POGK: variants seen among roughly 807,000 people sequenced by gnomAD.
POGK encodes the protein pogo transposable element with KRAB domain.
A neutral mutation model predicts 54.4 loss-of-function variants in POGK; 16 were observed. The ratio of observed to expected loss-of-function variants is 0.29; its 90% CI spans 0.20 to 0.45. The LOEUF is 0.45. POGK is among the 20% of genes least tolerant of loss of function. The probability of loss-of-function intolerance (pLI) is 1.00; values close to 1 mark genes in which losing one functional copy is unlikely to be tolerated. For synonymous variants in POGK, 271 were observed against 302.2 expected (o/e 0.90, Z 1.07); for missense variants, 515 against 795.6 (o/e 0.65, Z 4.24).
intron 1 of POGK, among the ~76,000 whole-genome samples, 166 bp from the exon 2 acceptor site, chr1:166,840,789 C>T (rs1350093420): frequency 6.6e-6 from 1 of 152,216 alleles, no homozygotes; most frequent in African/African-American, 2.4e-5. Context: ...CATAATTAAA[C>T]ATGTCACCCT....
At chr1:166,844,060 G>C (rs191932645) in intron 2 of POGK, among the ~76,000 whole-genome samples, 2 of 152,228 alleles carry the variant, frequency 1.3e-5, no homozygotes, top group South Asian at 4.1e-4. Flanking sequence ...TCTCACAGAG[G>C]CTTGCTGTGA....
chr1:166,845,696 C>T (rs1165566187), intron 2 of POGK, among the ~76,000 whole-genome samples: 1 of 152,212 alleles, frequency 6.6e-6, no homozygotes, highest in Non-Finnish European at 1.5e-5. Context: ...TGAAACAAGC[C>T]ATCCAGTGCC....
In POGK at chr1:166,839,489, C is replaced by T. The variant is rs1657375774; in HGVS notation, c.-118C>T. 6.6e-6 allele frequency: 1 copy of T among 151,934 alleles called. No individual in the cohort carries two copies. The highest frequency in any genetic ancestry group is 2.4e-5 in the African/African-American group (1 of 41,382). The allele number at this position is 151,934 out of a possible 1,614,324, so 9.4% of individuals were successfully genotyped here. A position where few individuals can be genotyped will look rare whatever the true frequency, so the allele number is the denominator to read the frequency against. ...CTCCTCCCACCACGTGTCCTCCCCGCTCCCTCCCGAGGGGCCGCGCGCACG... is the reference window on the plus strand; with the variant it reads ...CTCCTCCCACCACGTGTCCTCCCCGTTCCCTCCCGAGGGGCCGCGCGCACG... On this transcript the variant is annotated 5_prime_UTR_variant, in exon 1 of 6. Coordinates refer to ENST00000367876, the MANE Select transcript of POGK (RefSeq NM_017542.5).
chr1:166,850,630 G>A (rs535031851), intron 5 of POGK: 124 of 520,820 alleles, frequency 2.4e-4, no homozygotes, highest in African/African-American at 2.1e-3. Context: ...GTGAGCGGCA[G>A]GTGAGCAAGC....
chr1:166,841,215 T>C, intron 2 of POGK, 127 bp downstream of exon 2: 1 of 1,277,668 alleles, frequency 7.8e-7, no homozygotes, highest in South Asian at 1.5e-5. Flanking sequence ...TTTGCATTCC[T>C]GAGAAAACAG....
rs1419389153 is a variant in POGK at position 166,841,096 on chromosome 1, A to G, written c.132+8A>G. 4 of 1,613,176 alleles carry G rather than the reference A, an allele frequency of 2.5e-6. No homozygotes were observed. The highest frequency in any genetic ancestry group is 2.2e-5 in the East Asian group (1 of 44,896). On this transcript the variant is annotated splice_region_variant and intron_variant, in intron 2 of 5. Transcript: ENST00000367876. Reference sequence around the variant, plus strand: ...TGCTCTGAGGGCGGATGGGTAAGTAAGAAGGTGTGGAGTCCACACAGCCAG... The same window carrying G: ...TGCTCTGAGGGCGGATGGGTAAGTAGGAAGGTGTGGAGTCCACACAGCCAG...
intron 2 of POGK, among the ~76,000 whole-genome samples, chr1:166,842,003 T>TAA (rs1348133144): frequency 7.0e-6 from 1 of 143,142 alleles, no homozygotes. Context: ...TACCTTAATT[T>TAA]AAAAAAAAAA....
At chr1:166,852,480 G>A (rs930676246) in intron 5 of POGK, 105 bp from the exon 6 acceptor site, 4 of 152,172 alleles carry the variant, frequency 2.6e-5, no homozygotes, top group East Asian at 1.9e-4. Context: ...ATAAAACTAC[G>A]TCTTGGCCTC....
intron 2 of POGK, among the ~76,000 whole-genome samples, chr1:166,842,779 A>G (rs968086495): frequency 2.6e-5 from 4 of 152,072 alleles, no homozygotes; most frequent in African/African-American, 9.7e-5. Flanking sequence ...TCCTCCTGGC[A>G]TCTAGTGGAT....
At chr1:166,840,458 A>G (rs1239832620) in intron 1 of POGK, 1 of 153,006 alleles carries the variant, frequency 6.5e-6, no homozygotes, top group African/African-American at 2.4e-5. Context: ...CAATGGGCCT[A>G]CTGAGCCAAC....
In POGK at chr1:166,853,547, C is replaced by T. The variant is rs1195162035; in HGVS notation, c.*977C>T. 2 of 152,652 alleles carry T rather than the reference C, an allele frequency of 1.3e-5. No individual in the cohort carries two copies. The highest frequency in any genetic ancestry group is 2.9e-5 in the Non-Finnish European group (2 of 68,032). The allele number at this position is 152,652 out of a possible 1,614,324, so 9.5% of individuals were successfully genotyped here. ...GTTTTAAGACTTCTGATCTCCTGCC[C>T]TGCAGGAATAGGTGGGAAGTCATTG... On this transcript the variant is annotated 3_prime_UTR_variant, in exon 6 of 6. Transcript: ENST00000367876.
intron 2 of POGK, among the ~76,000 whole-genome samples, chr1:166,845,985 G>A (rs892873985): frequency 5.3e-5 from 8 of 152,092 alleles, no homozygotes; most frequent in Admixed American, 6.5e-5. Flanking sequence ...TCCTCTTCAT[G>A]CTCTTGTGGA....
At position 166,849,222 on chromosome 1, in the gene POGK, A is replaced by G. The variant is rs1343390429; in HGVS notation, c.643A>G (p.Thr215Ala). 3 of 1,614,108 alleles carry G rather than the reference A, an allele frequency of 1.9e-6. No individual in the cohort carries two copies. Among genetic ancestry groups the G allele is most frequent in the African/African-American group, 2.7e-5 (2 of 74,942 alleles). ...KLMVVEYAES[T>A]NNCQAAKQFG... ...GATGGTAGTGGAATATGCTGAGAGT[A>G]CCAACAACTGCCAGGCTGCCAAGCA... The change falls in exon 5 of 6, where the codon ACC (threonine) becomes GCC (alanine). Residue 215 changes from threonine (T) to alanine (A), a missense_variant. Transcript: ENST00000367876.
Position 166,847,732 on chromosome 1 carries a change from TA to T in POGK, c.358+143del, listed in dbSNP as rs1162831816. ...TTTGAAATCTCCCTCTTTGCAGTGCTAAATGTGTGACAGTGTGTGACAGGCA... is the reference window on the plus strand; with the variant it reads ...TTTGAAATCTCCCTCTTTGCAGTGCTAATGTGTGACAGTGTGTGACAGGCA... On this transcript the variant is annotated intron_variant, in intron 4 of 5. Transcript: ENST00000367876. 3 of 634,132 alleles carry T rather than the reference TA, an allele frequency of 4.7e-6. No homozygotes were observed. The African/African-American group carries it at 5.5e-5, about 12-fold the overall frequency. 39.3% of individuals were successfully genotyped at this position (634,132 alleles called of 1,614,324 possible).
intron 4 of POGK, among the ~76,000 whole-genome samples, chr1:166,848,530 A>G (rs1657929342): frequency 6.6e-6 from 1 of 152,244 alleles, no homozygotes; most frequent in Non-Finnish European, 1.5e-5. Flanking sequence ...GTAATATTAT[A>G]TGGTAGTATG....
At chr1:166,852,490 C>G (rs1049037873) in intron 5 of POGK, 95 bp from the exon 6 acceptor site, 1 of 152,178 alleles carries the variant, frequency 6.6e-6, no homozygotes, top group Non-Finnish European at 1.5e-5. Flanking sequence ...GTCTTGGCCT[C>G]TATTTGGAAA....
At chr1:166,846,215 G>A (rs1412128610) in intron 2 of POGK, among the ~76,000 whole-genome samples, 1 of 152,208 alleles carries the variant, frequency 6.6e-6, no homozygotes, top group Non-Finnish European at 1.5e-5. Flanking sequence ...GGGGGTGCTT[G>A]TGTTGGTGGG....
rs1351747224 is a variant in POGK, at chr1:166,855,946, T to C, written c.*3376T>C. 2 of 152,224 alleles carry C rather than the reference T, an allele frequency of 1.3e-5. No homozygotes were observed. The highest frequency in any genetic ancestry group is 4.8e-5 in the African/African-American group (2 of 41,446). 9.4% of individuals were successfully genotyped at this position (152,224 alleles called of 1,614,324 possible). Reference sequence around the variant, plus strand: ...CCAAGCCCTAAAAATTCTTACGTAGTTTCTCACCTAAAACTAATGGCTTGT... The same window carrying C: ...CCAAGCCCTAAAAATTCTTACGTAGCTTCTCACCTAAAACTAATGGCTTGT... On this transcript the variant is annotated 3_prime_UTR_variant, in exon 6 of 6. Transcript: ENST00000367876.
rs1447324798 is a variant in POGK, at chr1:166,854,610, TGTAA to T, written c.*2045_*2048del. On this transcript the variant is annotated 3_prime_UTR_variant, in exon 6 of 6. Transcript: ENST00000367876. ...GTCAAAAAGTGTTCATGAGATGCAGTGTAAGTAATATTGGTATCTGTGAAGACAC... is the reference window on the plus strand; with the variant it reads ...GTCAAAAAGTGTTCATGAGATGCAGTGTAATATTGGTATCTGTGAAGACAC... 6.6e-6 allele frequency: 1 copy of T among 152,176 alleles called. No homozygotes were observed. Among genetic ancestry groups the T allele is most frequent in the Admixed American group, 6.5e-5 (1 of 15,280 alleles). The allele number at this position is 152,176 out of a possible 1,614,324, so 9.4% of individuals were successfully genotyped here.
Sources: allele counts gnomAD v4.1 joint callset (sites outside exome capture counted in the v4.1 genomes callset), GRCh38; gene constraint gnomAD v4.1.1; transcripts MANE v1.5; gene names NCBI Gene and HGNC (gene_info 2026-07-23, HGNC 2026-07-21).